Variants in CSMD1 observed in about 807,000 individuals in gnomAD.
The protein encoded by CSMD1 is CUB and sushi domain-containing protein 1.
In CSMD1, 213 loss-of-function variants were observed where a neutral mutation model predicts 417.5. The ratio of observed to expected loss-of-function variants is 0.51; its 90% CI spans 0.46 to 0.57. The LOEUF (loss-of-function observed/expected upper bound fraction) is 0.57, where lower values mean the gene tolerates loss of function less well. Among genes scored for constraint, CSMD1 ranks in the 20% least tolerant of loss-of-function variants. The pLI is 0.00. For missense variants in CSMD1, 6,923 were observed against 4,529.7 expected, an observed-to-expected ratio of 1.53 and a Z score of -15.17; for synonymous variants, 2,862 against 1,736.8, an observed-to-expected ratio of 1.65 and a Z score of -16.11.
In CSMD1 at chr8:4,882,107, TTG is replaced by T. The variant is rs376802183; in HGVS notation, c.85+112223_85+112224del. ...TAAGCCCTCATTTAACCACAGTATT[TTG>T]TAAAATAAACTAGAGTAGGCTGATG... On this transcript the variant is annotated intron_variant, in intron 1 of 69. Coordinates refer to ENST00000635120, the MANE Select transcript of CSMD1 (RefSeq NM_033225.6). Among the ~76,000 whole-genome samples the T allele has an allele frequency of 5.6e-3, 854 of 151,736 alleles. 20 individuals carry two copies. The highest frequency in any genetic ancestry group is 0.02 in the African/African-American group (818 of 41,252).
chr8:3,849,243 A>G (rs143899920), intron 5 of CSMD1, among the ~76,000 whole-genome samples: 10 of 152,212 alleles, frequency 6.6e-5, no homozygotes, highest in African/African-American at 1.4e-4. Context: ...GAATAAAACG[A>G]AACAAAACCA....
At chr8:4,119,271 G>C (rs1228120759) in intron 3 of CSMD1, among the ~76,000 whole-genome samples, 4 of 152,006 alleles carry the variant, frequency 2.6e-5, no homozygotes, top group African/African-American at 7.2e-5. Flanking sequence ...AAAAAAAATA[G>C]AAACAAATGG....
intron 3 of CSMD1, among the ~76,000 whole-genome samples, chr8:4,097,228 T>A (rs1801061330): frequency 1.3e-5 from 2 of 152,106 alleles, no homozygotes; most frequent in African/African-American, 4.8e-5. Flanking sequence ...AGGAGATAAG[T>A]CCCTTTTGTA....
intron 37 of CSMD1, among the ~76,000 whole-genome samples, chr8:3,166,653 G>C (rs1820236971): frequency 6.6e-6 from 1 of 152,152 alleles, no homozygotes. Context: ...GTCAAGCCAG[G>C]GGTAGCAGTA....
intron 5 of CSMD1, among the ~76,000 whole-genome samples, chr8:3,934,225 G>C (rs1316599999): frequency 6.6e-6 from 1 of 152,054 alleles, no homozygotes; most frequent in African/African-American, 2.4e-5. Context: ...CCTAATCAAT[G>C]ATGAAAACTG....
At position 3,174,164 on chromosome 8, in the gene CSMD1, C is replaced by G. The variant is rs576089164; in HGVS notation, c.5725+6946G>C. Among the ~76,000 whole-genome samples the G allele has an allele frequency of 4.6e-5, 7 of 152,268 alleles. No homozygotes were observed. The South Asian group carries it at 8.3e-4, about 18-fold the overall frequency. ...GCACAGCGAACTGCAGAAATTAATTCAGTTAGTTATATTATGTTCCCAAAA... is the reference window on the plus strand; with the variant it reads ...GCACAGCGAACTGCAGAAATTAATTGAGTTAGTTATATTATGTTCCCAAAA... On this transcript the variant is annotated intron_variant, in intron 37 of 69. Coordinates refer to ENST00000635120, the MANE Select transcript of CSMD1 (RefSeq NM_033225.6).
At chr8:3,968,911 A>C (rs1585050570) in intron 5 of CSMD1, among the ~76,000 whole-genome samples, 1 of 152,170 alleles carries the variant, frequency 6.6e-6, no homozygotes, top group East Asian at 1.9e-4. Context: ...GTAATGATTT[A>C]TCTCAAAGTT....
intron 39 of CSMD1, among the ~76,000 whole-genome samples, chr8:3,156,421 G>A (rs1310562128): frequency 6.6e-6 from 1 of 152,178 alleles, no homozygotes; most frequent in African/African-American, 2.4e-5. Flanking sequence ...ATACAGAGGT[G>A]AGTATTGCAA....
chr8:4,214,605 T>C (rs1313330137), intron 3 of CSMD1, among the ~76,000 whole-genome samples: 1 of 152,124 alleles, frequency 6.6e-6, no homozygotes, highest in Non-Finnish European at 1.5e-5. Context: ...GCCCACCTTA[T>C]TAGAATTTTG....
chr8:3,705,211 C>G (rs888090173), intron 7 of CSMD1, among the ~76,000 whole-genome samples: 7 of 152,192 alleles, frequency 4.6e-5, no homozygotes, highest in Admixed American at 2.6e-4. Flanking sequence ...GCACTGAAGG[C>G]AACAAGGGGC....
chr8:4,084,751 C>A (rs13265700), intron 3 of CSMD1, among the ~76,000 whole-genome samples: 4 of 150,754 alleles, frequency 2.7e-5, no homozygotes, highest in African/African-American at 4.9e-5. Flanking sequence ...CCCCACCCCC[C>A]TACCCAAAGC....
chr8:4,620,624 A>C (rs1801722446), intron 2 of CSMD1, among the ~76,000 whole-genome samples: 1 of 151,908 alleles, frequency 6.6e-6, no homozygotes, highest in Non-Finnish European at 1.5e-5. Flanking sequence ...GAAAAGCCCA[A>C]ATATATGAAA....
intron 7 of CSMD1, among the ~76,000 whole-genome samples, chr8:3,706,270 T>A (rs35959066): frequency 6.6e-6 from 1 of 152,110 alleles, no homozygotes; most frequent in Admixed American, 6.5e-5. Flanking sequence ...TTAATAATTG[T>A]GTAAGCGATG....
chr8:4,720,428 T>A (rs1373196987), intron 1 of CSMD1, among the ~76,000 whole-genome samples: 1 of 152,172 alleles, frequency 6.6e-6, no homozygotes, highest in African/African-American at 2.4e-5. Context: ...TAATTTTTTT[T>A]GTTTTTTGAG....
chr8:4,168,905 C>G (rs181713672), intron 3 of CSMD1, among the ~76,000 whole-genome samples: 1 of 152,166 alleles, frequency 6.6e-6, no homozygotes, highest in African/African-American at 2.4e-5. Flanking sequence ...ATCCAACCGC[C>G]AGTGCCAGGC....
chr8:4,392,367 G>A (rs1413849293), intron 3 of CSMD1, among the ~76,000 whole-genome samples: 1 of 152,130 alleles, frequency 6.6e-6, no homozygotes, highest in Non-Finnish European at 1.5e-5. Flanking sequence ...GAGCAGTAAA[G>A]AGAAAATAGA....
chr8:4,205,212 T>A (rs1799906102), intron 3 of CSMD1, among the ~76,000 whole-genome samples: 1 of 152,268 alleles, frequency 6.6e-6, no homozygotes, highest in Non-Finnish European at 1.5e-5. Flanking sequence ...TGCACATTTC[T>A]CTTTGGTAGA....
chr8:3,529,031 C>T (rs1019190709), intron 10 of CSMD1, among the ~76,000 whole-genome samples: 1 of 152,154 alleles, frequency 6.6e-6, no homozygotes, highest in African/African-American at 2.4e-5. Context: ...CTCAACAGAG[C>T]TTTCGAACAA....
chr8:3,607,664 A>G (rs931276948), intron 8 of CSMD1, among the ~76,000 whole-genome samples: 1 of 152,218 alleles, frequency 6.6e-6, no homozygotes. Flanking sequence ...ATTGTTAGGC[A>G]GTGTATGACT....
Sources: gnomAD v4.1 joint callset for allele counts (sites outside exome capture counted in the v4.1 genomes callset) on GRCh38, gnomAD v4.1.1 for gene constraint, MANE v1.5 for transcripts, NCBI Gene and HGNC (gene_info 2026-07-23, HGNC 2026-07-21) for gene names.